ARHGAP25: variants seen among roughly 807,000 people sequenced by gnomAD.
ARHGAP25 encodes the protein rho GTPase-activating protein 25.
A neutral mutation model predicts 71.0 loss-of-function variants in ARHGAP25; 34 were observed. That is an observed-to-expected ratio of 0.48 (90% CI 0.36 to 0.64). The LOEUF is 0.64. ARHGAP25 is among the 30% of genes least tolerant of loss of function. The pLI is 0.00. For missense variants in ARHGAP25, 706 were observed against 805.1 expected (o/e 0.88, Z 1.49); for synonymous variants, 282 against 296.5 (o/e 0.95, Z 0.50).
At chr2:68,732,297 A>T (rs1490426507), upstream of ARHGAP25, among the ~76,000 whole-genome samples, 4 of 152,118 alleles carry the variant, frequency 2.6e-5, no homozygotes, top group African/African-American at 9.7e-5. Context: ...ACTGACAGGA[A>T]CCTACCCTGA....
At chr2:68,723,996 C>A (rs1250783104) in intron 2 of ARHGAP25, among the ~76,000 whole-genome samples, 3 of 151,998 alleles carry the variant, frequency 2.0e-5, no homozygotes. Flanking sequence ...ACCTCGGCTA[C>A]CTGAGTAGCT....
chr2:68,792,327 G>C (rs1679236896), intron 4 of ARHGAP25, among the ~76,000 whole-genome samples: 1 of 152,174 alleles, frequency 6.6e-6, no homozygotes, highest in African/African-American at 2.4e-5. Context: ...TTATGTAGTA[G>C]TGGCCAGGTC....
chr2:68,805,134 C>T (rs1171806084), intron 4 of ARHGAP25, among the ~76,000 whole-genome samples: 1 of 152,002 alleles, frequency 6.6e-6, no homozygotes, highest in Non-Finnish European at 1.5e-5. Flanking sequence ...CCTGGTGCAG[C>T]CAGGGAAGGG....
chr2:68,733,891 T>C (rs183324605), upstream of ARHGAP25, among the ~76,000 whole-genome samples: 153 of 152,284 alleles, frequency 1.0e-3, no homozygotes, highest in Non-Finnish European at 1.5e-3. Context: ...CACAACAGCC[T>C]ATGAAGTAAG....
intron 1 of ARHGAP25, among the ~76,000 whole-genome samples, chr2:68,760,863 C>CA (rs749565883): frequency 0.014 from 782 of 54,496 alleles, 8 homozygotes; most frequent in Non-Finnish European, 0.015. Context: ...TCCTGAATAG[C>CA]AAAAAAAAAA....
intron 2 of ARHGAP25, among the ~76,000 whole-genome samples, chr2:68,711,438 G>T (rs1282810084): frequency 2.0e-5 from 3 of 152,134 alleles, no homozygotes. Flanking sequence ...AGGCTGGAGT[G>T]CAATGGCATG....
At chr2:68,711,981 G>A (rs568104755) in intron 2 of ARHGAP25, among the ~76,000 whole-genome samples, 21 of 152,204 alleles carry the variant, frequency 1.4e-4, no homozygotes, top group African/African-American at 4.6e-4. Context: ...ACATACATTA[G>A]CATGTGTCTT....
At chr2:68,793,441 T>A (rs2104413879) in intron 4 of ARHGAP25, among the ~76,000 whole-genome samples, 1 of 152,304 alleles carries the variant, frequency 6.6e-6, no homozygotes, top group Admixed American at 6.5e-5. Context: ...TTAATCATCT[T>A]GATTTTTGTA....
At chr2:68,749,594 T>G (rs138949877) in intron 1 of ARHGAP25, among the ~76,000 whole-genome samples, 1 of 152,340 alleles carries the variant, frequency 6.6e-6, no homozygotes, top group East Asian at 1.9e-4. Flanking sequence ...GCAGTCACCC[T>G]GAGGCTAAAG....
At chr2:68,750,848 C>T (rs973201462) in intron 1 of ARHGAP25, among the ~76,000 whole-genome samples, 2 of 152,174 alleles carry the variant, frequency 1.3e-5, no homozygotes, top group Non-Finnish European at 2.9e-5. Context: ...TCAGAAGTGA[C>T]GTGTTAAGGG....
At chr2:68,805,633 A>C (rs1423886355) in intron 4 of ARHGAP25, among the ~76,000 whole-genome samples, 1 of 152,036 alleles carries the variant, frequency 6.6e-6, no homozygotes, top group Non-Finnish European at 1.5e-5. Flanking sequence ...CATGATAGAG[A>C]GAAGAGACTG....
intron 4 of ARHGAP25, among the ~76,000 whole-genome samples, chr2:68,790,805 A>G (rs1679120726): frequency 6.6e-6 from 1 of 152,150 alleles, no homozygotes; most frequent in African/African-American, 2.4e-5. Flanking sequence ...TGTCTTATCA[A>G]GATTCTTCTC....
intron 1 of ARHGAP25, among the ~76,000 whole-genome samples, chr2:68,770,519 T>C (rs1469563857): frequency 6.6e-6 from 1 of 152,204 alleles, no homozygotes; most frequent in Non-Finnish European, 1.5e-5. Context: ...CGGCAGAAGA[T>C]GAAGAAAGGA....
chr2:68,802,997 A>C (rs1680115444), intron 4 of ARHGAP25, among the ~76,000 whole-genome samples: 1 of 151,662 alleles, frequency 6.6e-6, no homozygotes, highest in East Asian at 1.9e-4. Context: ...ACACATATAC[A>C]TACATACATA....
intron 8 of ARHGAP25, 84 bp downstream of exon 8, chr2:68,818,078 G>A: frequency 6.5e-7 from 1 of 1,544,438 alleles, no homozygotes; most frequent in Middle Eastern, 2.3e-4. Flanking sequence ...CTGCTCTGTA[G>A]TTTCCCAAGC....
intron 3 of ARHGAP25, among the ~76,000 whole-genome samples, chr2:68,784,524 C>T (rs1678608740): frequency 6.6e-6 from 1 of 151,904 alleles, no homozygotes. Context: ...GGGCAGGCAA[C>T]AATTTAGGGT....
chr2:68,825,881 G>A (rs2103751034), intron 10 of ARHGAP25, 106 bp from the exon 11 acceptor site: 1 of 945,526 alleles, frequency 1.1e-6, no homozygotes, highest in South Asian at 1.7e-5. Flanking sequence ...TTGGATAAGG[G>A]TCTTGTGATT....
intron 2 of ARHGAP25, among the ~76,000 whole-genome samples, chr2:68,712,948 C>T (rs532026583): frequency 6.6e-6 from 1 of 152,250 alleles, no homozygotes; most frequent in African/African-American, 2.4e-5. Flanking sequence ...AGCGTGATGC[C>T]TCCAGCTTTG....
chr2:68,785,978 CT>C (rs568894759), intron 3 of ARHGAP25, among the ~76,000 whole-genome samples: 2 of 151,916 alleles, frequency 1.3e-5, no homozygotes, highest in African/African-American at 2.4e-5. Flanking sequence ...CAAATATTTA[CT>C]TTTTTTTAGG....
Sources: gnomAD v4.1 joint callset for allele counts (sites outside exome capture counted in the v4.1 genomes callset) on GRCh38, gnomAD v4.1.1 for gene constraint, MANE v1.5 for transcripts, NCBI Gene and HGNC (gene_info 2026-07-23, HGNC 2026-07-21) for gene names.